The following GATAD2A variants were observed in gnomAD, a reference collection of about 807,000 sequenced individuals.
The protein encoded by GATAD2A is transcriptional repressor p66-alpha.
GATAD2A carries 12 observed loss-of-function variants against 68.5 expected under a neutral mutation model. That is an observed-to-expected ratio of 0.18 (90% CI 0.11 to 0.28). The LOEUF is 0.28. Among genes scored for constraint, GATAD2A ranks in the 10% least tolerant of loss-of-function variants. The pLI is 1.00. For missense variants in GATAD2A, 755 were observed against 868.5 expected, an observed-to-expected ratio of 0.87 and a Z score of 1.64; for synonymous variants, 410 against 375.3, an observed-to-expected ratio of 1.09 and a Z score of -1.07.
chr19:19,478,627 A>G (rs1292010834), intron 2 of GATAD2A, among the ~76,000 whole-genome samples: 1 of 152,060 alleles, frequency 6.6e-6, no homozygotes, highest in African/African-American at 2.4e-5. Flanking sequence ...AGCCTGGGCA[A>G]CATAGCAAAA....
chr19:19,434,707 G>A (rs529896207), intron 1 of GATAD2A, among the ~76,000 whole-genome samples: 4 of 152,276 alleles, frequency 2.6e-5, no homozygotes, highest in Non-Finnish European at 4.4e-5. Context: ...AGCCCTGGAC[G>A]TCTGATGATA....
At chr19:19,441,894 T>A (rs2055139497) in intron 1 of GATAD2A, among the ~76,000 whole-genome samples, 1 of 148,848 alleles carries the variant, frequency 6.7e-6, no homozygotes, top group African/African-American at 2.5e-5. Context: ...AGAGTTTCAC[T>A]CTTGTTGCGC....
chr19:19,500,148 T>A (rs2060429025), intron 8 of GATAD2A, among the ~76,000 whole-genome samples: 1 of 152,244 alleles, frequency 6.6e-6, no homozygotes. Context: ...GGAGAGACTT[T>A]GAGCCCTGCT....
At chr19:19,425,454 G>T (rs1215797222) in intron 1 of GATAD2A, among the ~76,000 whole-genome samples, 1 of 152,184 alleles carries the variant, frequency 6.6e-6, no homozygotes, top group African/African-American at 2.4e-5. Context: ...AAAGGAGATG[G>T]CCTGTTTAGA....
rs369803996 is a variant in GATAD2A, at chr19:19,495,766, C to T, written c.637C>T (p.Arg213Trp). 1.1e-5 allele frequency: 17 copies of T among 1,611,114 alleles called. No individual in the cohort carries two copies. Among genetic ancestry groups the T allele is most frequent in the South Asian group, 2.2e-5 (2 of 90,960 alleles). ...GKPSLQTSSA[R>W]MPGSVIPPPL... ...GTATCGTTGGCAGACCTCTTCAGCT[C>T]GGATGCCCGGCAGTGTCATACCCCC... The change falls in exon 6 of 12, where the codon CGG (arginine) becomes TGG (tryptophan). Residue 213 changes from arginine to tryptophan, a missense_variant. Coordinates refer to ENST00000683918, the MANE Select transcript of GATAD2A (RefSeq NM_001384528.1).
intron 2 of GATAD2A, chr19:19,473,910 C>T: frequency 3.3e-6 from 1 of 298,878 alleles, no homozygotes; most frequent in Non-Finnish European, 4.9e-6. Context: ...CACACCACTG[C>T]ACTCCAGCCT....
intron 1 of GATAD2A, among the ~76,000 whole-genome samples, chr19:19,433,410 G>A (rs1568280397): frequency 6.6e-6 from 1 of 152,024 alleles, no homozygotes; most frequent in Non-Finnish European, 1.5e-5. Context: ...TGTTGTTTTC[G>A]TTATTCTAGG....
chr19:19,494,280 C>G lies in GATAD2A; in HGVS notation c.535-14C>G, dbSNP rs1391035533. On this transcript the variant is annotated splice_polypyrimidine_tract_variant and intron_variant, in intron 4 of 11. Transcript: ENST00000683918. The stretch of plus-strand genomic sequence containing the variant: ...CGGTGGCCCCTCACCTCCTGGTGTC[C>G]TGCTCTCTTGCAGCCCACAGGTTCT... The G allele has an allele frequency of 1.3e-6, 2 of 1,566,078 alleles. No homozygotes were observed. Among genetic ancestry groups the G allele is most frequent in the Admixed American group, 1.7e-5 (1 of 59,536 alleles).
intron 5 of GATAD2A, among the ~76,000 whole-genome samples, chr19:19,494,917 C>T (rs913648100): frequency 1.3e-5 from 2 of 152,200 alleles, no homozygotes; most frequent in Non-Finnish European, 2.9e-5. Flanking sequence ...CAGGTTTGCA[C>T]GGCTCTGGGT....
intron 1 of GATAD2A, among the ~76,000 whole-genome samples, chr19:19,392,455 C>T (rs1474903721): frequency 4.7e-5 from 7 of 149,684 alleles, no homozygotes; most frequent in African/African-American, 1.7e-4. Flanking sequence ...TGCAGTGGTG[C>T]GATCTTGGCT....
rs368175791 is a variant in GATAD2A, at chr19:19,496,113, G to A, written c.818G>A (p.Arg273Gln). 8 of 1,613,428 alleles carry A rather than the reference G, an allele frequency of 5.0e-6. No homozygotes were observed. In the African/African-American group the frequency reaches 5.3e-5, roughly 11 times the overall value. ...CCACCGCCCCTCCTCCTGGCCCCCC[G>A]GGCGTCGGTGCCCAGTGTGCAGATT... ...TGPPPLLLAP[R>Q]ASVPSVQIQG... The change falls in exon 7 of 12, where the codon CGG becomes CAG. Residue 273 changes from arginine to glutamine, a missense_variant. Arg to Gln is a conservative substitution (Grantham distance 43). Transcript: ENST00000683918.
chr19:19,501,242 G>A lies in GATAD2A; in HGVS notation c.1329G>A (p.Met443Ile). Reference sequence around the variant, plus strand: ...GCGCCATCATGTGTGAGAACTGCATGACAACCAACCAGAAGAAGGCGCTCA... The same window carrying A: ...GCGCCATCATGTGTGAGAACTGCATAACAACCAACCAGAAGAAGGCGCTCA... ...KSGAIMCENC[M>I]TTNQKKALKV... Residue 443 changes from methionine (M) to isoleucine (I), a missense_variant, in exon 9 of 12, where the codon ATG becomes ATA. By Grantham distance (10) the Met-to-Ile change is conservative (BLOSUM62 1). Coordinates refer to ENST00000683918, the MANE Select transcript of GATAD2A (RefSeq NM_001384528.1). 3 of 1,613,538 alleles carry A rather than the reference G, an allele frequency of 1.9e-6. No individual in the cohort carries two copies. The highest frequency in any genetic ancestry group is 2.5e-6 in the Non-Finnish European group (3 of 1,180,038).
At chr19:19,447,055 G>A (rs967716446) in intron 1 of GATAD2A, among the ~76,000 whole-genome samples, 1 of 152,234 alleles carries the variant, frequency 6.6e-6, no homozygotes, top group Non-Finnish European at 1.5e-5. Flanking sequence ...GGATGGTAGT[G>A]CTAGAGAAAT....
intron 1 of GATAD2A, among the ~76,000 whole-genome samples, chr19:19,395,465 A>C (rs1169025733): frequency 6.6e-6 from 1 of 152,070 alleles, no homozygotes; most frequent in Non-Finnish European, 1.5e-5. Context: ...AAAAAAAAAA[A>C]ATAGAAAACA....
intron 1 of GATAD2A, chr19:19,440,162 GA>G: frequency 2.4e-6 from 1 of 417,572 alleles, no homozygotes; most frequent in African/African-American, 2.1e-5. Flanking sequence ...ATGACAAGCA[GA>G]AAAAAGAACA....
chr19:19,456,047 G>A (rs957080654), intron 1 of GATAD2A, among the ~76,000 whole-genome samples: 4 of 151,670 alleles, frequency 2.6e-5, no homozygotes, highest in African/African-American at 4.8e-5. Context: ...CCAGCTACTC[G>A]GGAGGCTGAG....
At chr19:19,464,688 G>C (rs529495180) in intron 1 of GATAD2A, 1 of 152,894 alleles carries the variant, frequency 6.5e-6, no homozygotes, top group Non-Finnish European at 1.5e-5. Flanking sequence ...AGATATGTGT[G>C]TGCTGCAGGT....
At chr19:19,412,778 C>A (rs922837497) in intron 1 of GATAD2A, among the ~76,000 whole-genome samples, 3 of 152,194 alleles carry the variant, frequency 2.0e-5, no homozygotes, top group East Asian at 3.8e-4. Context: ...GGCTGTGAAT[C>A]TATACTCAAC....
chr19:19,480,245 G>A (rs561340112), intron 2 of GATAD2A, among the ~76,000 whole-genome samples: 1 of 152,260 alleles, frequency 6.6e-6, no homozygotes, highest in African/African-American at 2.4e-5. Flanking sequence ...GTATGAGTTT[G>A]TAATACCATT....
Sources: gnomAD v4.1 joint callset for allele counts (sites outside exome capture counted in the v4.1 genomes callset) on GRCh38, gnomAD v4.1.1 for gene constraint, MANE v1.5 for transcripts, NCBI Gene and HGNC (gene_info 2026-07-23, HGNC 2026-07-21) for gene names.